The following TET3 variants were observed in gnomAD, a reference collection of about 807,000 sequenced individuals.
TET3 encodes tet methylcytosine dioxygenase 3, also known as methylcytosine dioxygenase TET3.
Under a neutral mutation model 141.4 loss-of-function variants are expected in TET3, and 19 were observed. That is an observed-to-expected ratio of 0.13 (90% CI 0.09 to 0.20). TET3 has a LOEUF of 0.20. Among genes scored for constraint, TET3 ranks in the 10% least tolerant of loss-of-function variants. The pLI, the probability that TET3 is intolerant of heterozygous loss-of-function variation, is 1.00. For synonymous variants in TET3, 1,043 were observed against 980.9 expected (o/e 1.06, Z -1.18); for missense variants, 1,874 against 2,356.9 (o/e 0.80, Z 4.24).
intron 6 of TET3, among the ~76,000 whole-genome samples, chr2:74,082,173 A>G (rs186089378): frequency 1.1e-4 from 16 of 152,298 alleles, no homozygotes; most frequent in Admixed American, 3.3e-4. Context: ...CCCTTAAAGA[A>G]TAGCTGGTCC....
chr2:74,042,935 T>G (rs1305686229), intron 3 of TET3, among the ~76,000 whole-genome samples: 7 of 152,216 alleles, frequency 4.6e-5, no homozygotes, highest in Non-Finnish European at 7.3e-5. Context: ...TCTCCTCTTT[T>G]TGGTCCGAGG....
chr2:74,134,667 G>A, the TET3 span: 1 of 456,506 alleles, frequency 2.2e-6, no homozygotes, highest in African/African-American at 2.0e-5. Flanking sequence ...GTGAAAGTCT[G>A]TGGGGGCAGT....
chr2:74,091,200 C>G (rs1307376129), intron 8 of TET3, among the ~76,000 whole-genome samples: 1 of 152,162 alleles, frequency 6.6e-6, no homozygotes, highest in African/African-American at 2.4e-5. Flanking sequence ...ATTCACCCTC[C>G]CTTACAAGCA....
chr2:74,023,884 A>G (rs1348628890), intron 3 of TET3, among the ~76,000 whole-genome samples: 8 of 152,072 alleles, frequency 5.3e-5, no homozygotes, highest in Non-Finnish European at 1.0e-4. Context: ...CAGGAGAGTC[A>G]TCTCTTGGAT....
rs779149341 is a variant in TET3, at chr2:74,101,768, C to T, written c.4980C>T (p.His1660=). 42 of 1,613,006 alleles carry T rather than the reference C, an allele frequency of 2.6e-5. No individual in the cohort carries two copies. Among genetic ancestry groups the T allele is most frequent in the Middle Eastern group, 1.6e-4 (1 of 6,084 alleles). Residue 1660 remains histidine, a synonymous_variant, in exon 12 of 12, where the codon CAC becomes CAT. Transcript: ENST00000409262. This position sits in a 1 kb window ranked among gnomAD's most constrained non-coding sequence, Gnocchi z 8.5. ...GCGGCGTGGCCGTGGCCCCAGCCCA[C>T]GGCTCCATCCTCATCGAGTGTGCCC... ...NIGGVAVAPA[H]GSILIECARR...
At chr2:74,042,118 C>T (rs1188252615) in intron 3 of TET3, among the ~76,000 whole-genome samples, 1 of 152,164 alleles carries the variant, frequency 6.6e-6, no homozygotes, top group East Asian at 1.9e-4. Flanking sequence ...CCTCTTGTAC[C>T]CTTTGAGCAT....
intron 7 of TET3, 143 bp from the exon 8 acceptor site, chr2:74,089,754 T>C (rs1690372624): frequency 9.1e-7 from 1 of 1,100,918 alleles, no homozygotes; most frequent in Non-Finnish European, 1.3e-6. Flanking sequence ...GAGAAAGGGG[T>C]TGGGGGTGGG....
chr2:74,069,928 C>CA (rs1382024082), intron 4 of TET3, among the ~76,000 whole-genome samples: 8 of 152,150 alleles, frequency 5.3e-5, no homozygotes, highest in African/African-American at 1.4e-4. Context: ...ATTCCTCTCC[C>CA]ATCCCCTAGA....
chr2:74,027,741 C>T (rs773751359), intron 3 of TET3, among the ~76,000 whole-genome samples: 1 of 152,110 alleles, frequency 6.6e-6, no homozygotes, highest in Non-Finnish European at 1.5e-5. Flanking sequence ...ATGCACAGAC[C>T]ACATTTTGTT....
chr2:74,031,202 A>G (rs563047443), intron 3 of TET3, among the ~76,000 whole-genome samples: 26 of 151,886 alleles, frequency 1.7e-4, no homozygotes, highest in Middle Eastern at 3.4e-3. Flanking sequence ...AGGGCAGGAG[A>G]GTGGAGAACA....
Position 74,046,799 on chromosome 2 carries a change from C to T in TET3, c.882C>T (p.Val294=), listed in dbSNP as rs772948741. ...EWLEGKIKSV[V]MEGGEERPRL... ...TGGAGGGGAAGATCAAGTCTGTGGT[C>T]ATGGAAGGAGGGGAGGAGCGGCCCA... The change falls in exon 4 of 12, where the codon GTC becomes GTT. Residue 294 remains valine, a synonymous_variant. Coordinates refer to ENST00000409262, the MANE Select transcript of TET3 (RefSeq NM_001287491.2). The surrounding 1 kb of genome is among the most constrained non-coding windows in gnomAD (Gnocchi z 4.3). 6.2e-7 allele frequency: 1 copy of T among 1,613,382 alleles called. No individual in the cohort carries two copies. The highest frequency in any genetic ancestry group is 8.5e-7 in the Non-Finnish European group (1 of 1,179,878).
chr2:74,005,063 C>A (rs1157332376), intron 3 of TET3, among the ~76,000 whole-genome samples: 2 of 152,170 alleles, frequency 1.3e-5, no homozygotes, highest in East Asian at 3.9e-4. Context: ...TTGTTTACTC[C>A]CGAAAGCACC....
At chr2:74,074,695 T>TA (rs1379134473) in intron 5 of TET3, among the ~76,000 whole-genome samples, 2 of 152,178 alleles carry the variant, frequency 1.3e-5, no homozygotes, top group Non-Finnish European at 2.9e-5. Flanking sequence ...GAGATGCTGA[T>TA]AAAAACACAC....
At chr2:74,085,341 C>T (rs1573886123) in intron 6 of TET3, among the ~76,000 whole-genome samples, 1 of 152,164 alleles carries the variant, frequency 6.6e-6, no homozygotes, top group East Asian at 1.9e-4. Flanking sequence ...TTCACTTTGC[C>T]ACGGTCCACA....
chr2:74,047,351 C>G lies in TET3; in HGVS notation c.1434C>G (p.Phe478Leu). Reference protein sequence around the residue: ...GSASDYIQSVFKRPEALPTKP... With the variant: ...GSASDYIQSVLKRPEALPTKP... ...CCAGTGATTACATCCAGTCAGTATT[C>G]AAGCGGCCTGAGGCCCTGCCTACCA... The change falls in exon 4 of 12, where the codon TTC becomes TTG. Residue 478 changes from phenylalanine to leucine, a missense_variant. Phe to Leu is a conservative substitution (Grantham distance 22, BLOSUM62 0). Around this residue, in one of 10 missense-constraint regions of TET3, gnomAD observed 484 missense variants for 462.2 expected, o/e 1.05. Coordinates refer to ENST00000409262, the MANE Select transcript of TET3 (RefSeq NM_001287491.2). 1.2e-6 allele frequency: 2 copies of G among 1,614,010 alleles called. No homozygotes were observed. Among genetic ancestry groups the G allele is most frequent in the South Asian group, 2.2e-5 (2 of 91,080 alleles).
rs202063420 is a variant in TET3 at position 74,101,142 on chromosome 2, G to T, written c.4354G>T (p.Val1452Leu). The T allele has an allele frequency of 1.9e-6, 3 of 1,613,884 alleles. No homozygotes were observed. The highest frequency in any genetic ancestry group is 3.3e-4 in the Middle Eastern group (2 of 6,062). Residue 1452 changes from valine (V) to leucine (L), a missense_variant, in exon 12 of 12, where the codon GTG becomes TTG. Val to Leu is a conservative substitution (Grantham distance 32, BLOSUM62 1). Coordinates refer to ENST00000409262, the MANE Select transcript of TET3 (RefSeq NM_001287491.2). The surrounding 1 kb of genome is among the most constrained non-coding windows in gnomAD (Gnocchi z 8.5). ...CATGTCCCCCAAGAGGACTAACGGT[G>T]TGGGTGGCAGCTGGGGTGTGTTCTC... ...PSMSPKRTNG[V>L]GGSWGVFSSG...
chr2:73,984,630 G>A (rs978229403), upstream of TET3, among the ~76,000 whole-genome samples: 3 of 151,960 alleles, frequency 2.0e-5, no homozygotes, highest in Admixed American at 6.5e-5. This position sits in a 1 kb window ranked among gnomAD's most constrained non-coding sequence, Gnocchi z 5.6. Context: ...CCCCGCCGGA[G>A]GGCGAGGGTG....
intron 5 of TET3, among the ~76,000 whole-genome samples, chr2:74,075,371 C>T (rs4073048): frequency 0.34 from 48,105 of 142,442 alleles, 9,070 homozygotes; most frequent in African/African-American, 0.51. Flanking sequence ...CTCTGTCCTC[C>T]AGTCTGGAGT....
At chr2:74,063,006 C>G (rs1688679919) in intron 4 of TET3, among the ~76,000 whole-genome samples, 1 of 151,370 alleles carries the variant, frequency 6.6e-6, no homozygotes, top group Non-Finnish European at 1.5e-5. Flanking sequence ...GCCTCAGACT[C>G]CCGAGTAGCT....
Sources: allele counts gnomAD v4.1 joint callset (sites outside exome capture counted in the v4.1 genomes callset), GRCh38; gene constraint gnomAD v4.1.1; regional missense constraint gnomAD v4.1.1; non-coding constraint Gnocchi (gnomAD v3.1); transcripts MANE v1.5; gene names NCBI Gene and HGNC (gene_info 2026-07-23, HGNC 2026-07-21).